Variants in PTPRM observed in about 807,000 individuals in gnomAD.
The protein encoded by PTPRM is protein tyrosine phosphatase receptor type M, also known as receptor-type tyrosine-protein phosphatase mu.
Under a neutral mutation model 186.7 loss-of-function variants are expected in PTPRM, and 47 were observed. The ratio of observed to expected loss-of-function variants is 0.25; its 90% CI spans 0.20 to 0.32. The LOEUF (loss-of-function observed/expected upper bound fraction) is 0.32. Ranked by LOEUF, PTPRM falls within the 10% of genes least tolerant of loss-of-function variation. PTPRM has a pLI of 1.00. For missense variants in PTPRM, 1,494 were observed against 1,865.0 expected, an observed-to-expected ratio of 0.80 and a Z score of 3.66; for synonymous variants, 668 against 674.9, an observed-to-expected ratio of 0.99 and a Z score of 0.16.
At chr18:8,142,991 C>T (rs1020725010) in intron 13 of PTPRM, among the ~76,000 whole-genome samples, 6 of 152,152 alleles carry the variant, frequency 3.9e-5, no homozygotes, top group African/African-American at 1.2e-4. Flanking sequence ...CCCTGGTTAT[C>T]TCATTTAAAC....
intron 22 of PTPRM, among the ~76,000 whole-genome samples, chr18:8,328,855 A>T (rs2095394608): frequency 6.6e-6 from 1 of 152,234 alleles, no homozygotes. Context: ...ATTTCAAAAG[A>T]TAGTTGCCAA....
intron 1 of PTPRM, among the ~76,000 whole-genome samples, chr18:7,570,316 T>C (rs1355494981): frequency 6.6e-6 from 1 of 152,232 alleles, no homozygotes; most frequent in East Asian, 1.9e-4. Context: ...ACATTTCTTT[T>C]TTATGTTTCT....
At chr18:8,205,438 A>G (rs1047770224) in intron 14 of PTPRM, among the ~76,000 whole-genome samples, 5 of 152,172 alleles carry the variant, frequency 3.3e-5, no homozygotes, top group African/African-American at 1.2e-4. Flanking sequence ...CTAGAAATAA[A>G]CTACACTGAG....
At chr18:7,834,491 T>TACACACACATACACACACATACACACAC (rs1555613406) in intron 2 of PTPRM, among the ~76,000 whole-genome samples, 4 of 84,606 alleles carry the variant, frequency 4.7e-5, no homozygotes, top group African/African-American at 1.9e-4. Context: ...TATACAAGTA[T>TACACACACATACACACACATACACACAC]ACACACACAC....
rs1055061316 is a variant in PTPRM at position 8,320,302 on chromosome 18, G to A, written c.2956+1088G>A. 8.7e-4 allele frequency among the ~76,000 whole-genome samples: 132 copies of A among 152,144 alleles called. 1 individual carries two copies. Among genetic ancestry groups the A allele is most frequent in the African/African-American group, 3.0e-3 (125 of 41,434 alleles). On this transcript the variant is annotated intron_variant, in intron 22 of 32. Transcript: ENST00000580170. ...AGGCTTGGACGAAGGGCAATCAGAG[G>A]TGTCCACTGGACCGTGAGGAGAGGG...
At chr18:8,361,784 A>G (rs773025745) in intron 23 of PTPRM, among the ~76,000 whole-genome samples, 1 of 152,234 alleles carries the variant, frequency 6.6e-6, no homozygotes, top group Non-Finnish European at 1.5e-5. Context: ...AGCTAGGATT[A>G]GCCCCAAGCC....
At chr18:8,122,144 A>G (rs1328180350) in intron 13 of PTPRM, 4 of 152,326 alleles carry the variant, frequency 2.6e-5, no homozygotes, top group Admixed American at 2.6e-4. Context: ...AGTTGAGACA[A>G]TTTGATATAC....
chr18:7,687,008 T>G (rs1205065366), intron 1 of PTPRM, among the ~76,000 whole-genome samples: 1 of 152,234 alleles, frequency 6.6e-6, no homozygotes, highest in Non-Finnish European at 1.5e-5. Context: ...GTAGAAAGAA[T>G]TGTTATAAAA....
chr18:8,373,062 A>G (rs982168599), intron 24 of PTPRM, among the ~76,000 whole-genome samples: 1 of 152,154 alleles, frequency 6.6e-6, no homozygotes, highest in Non-Finnish European at 1.5e-5. Context: ...GAGGGAAGAG[A>G]AGGAATAAGG....
At chr18:8,050,601 A>G (rs77101870) in intron 7 of PTPRM, among the ~76,000 whole-genome samples, 2,243 of 152,242 alleles carry the variant, frequency 0.015, 21 homozygotes, top group Non-Finnish European at 0.024. Flanking sequence ...TGTTAATTAT[A>G]AATATATTCT....
intron 14 of PTPRM, among the ~76,000 whole-genome samples, chr18:8,149,150 G>A (rs562058518): frequency 2.6e-5 from 4 of 152,300 alleles, no homozygotes; most frequent in South Asian, 2.1e-4. Context: ...GGAGAGTTCC[G>A]TGGATGTCTC....
chr18:8,294,951 C>T (rs910279383), intron 19 of PTPRM, among the ~76,000 whole-genome samples: 1 of 152,144 alleles, frequency 6.6e-6, no homozygotes, highest in African/African-American at 2.4e-5. Flanking sequence ...GATGCAAGCT[C>T]GGTTGTATGG....
intron 14 of PTPRM, among the ~76,000 whole-genome samples, chr18:8,186,667 G>A (rs1357177073): frequency 6.6e-6 from 1 of 152,200 alleles, no homozygotes; most frequent in Non-Finnish European, 1.5e-5. Flanking sequence ...CCAAGGCTGA[G>A]AGACTCCACC....
intron 23 of PTPRM, among the ~76,000 whole-genome samples, chr18:8,367,907 A>T (rs1369601416): frequency 6.6e-6 from 1 of 152,330 alleles, no homozygotes; most frequent in East Asian, 1.9e-4. Flanking sequence ...TGCATCTTGT[A>T]ATTAGTAAAA....
chr18:7,769,247 T>G (rs2042161018), intron 1 of PTPRM, among the ~76,000 whole-genome samples: 1 of 152,104 alleles, frequency 6.6e-6, no homozygotes, highest in Non-Finnish European at 1.5e-5. Flanking sequence ...GTTAAGAATA[T>G]GGGCCCCTTA....
chr18:8,065,642 A>G (rs930950254), intron 7 of PTPRM, among the ~76,000 whole-genome samples: 1 of 152,192 alleles, frequency 6.6e-6, no homozygotes, highest in Non-Finnish European at 1.5e-5. Context: ...GTGTGAAGAA[A>G]AATGGCTTTG....
intron 1 of PTPRM, among the ~76,000 whole-genome samples, chr18:7,737,478 C>T (rs2040796015): frequency 6.6e-6 from 1 of 152,174 alleles, no homozygotes; most frequent in Admixed American, 6.5e-5. Flanking sequence ...TTCCGTCTAC[C>T]TGTTTGTTTT....
At chr18:7,834,067 C>T (rs2045900829) in intron 2 of PTPRM, among the ~76,000 whole-genome samples, 1 of 151,976 alleles carries the variant, frequency 6.6e-6, no homozygotes, top group Admixed American at 6.6e-5. Flanking sequence ...AGCTGTGGGT[C>T]TGTTATATAT....
At chr18:7,760,180 A>G (rs1351101770) in intron 1 of PTPRM, among the ~76,000 whole-genome samples, 1 of 152,100 alleles carries the variant, frequency 6.6e-6, no homozygotes, top group Non-Finnish European at 1.5e-5. Flanking sequence ...TTGCTTGTAT[A>G]TTTAACATTA....
Sources: allele counts gnomAD v4.1 joint callset (sites outside exome capture counted in the v4.1 genomes callset), GRCh38; gene constraint gnomAD v4.1.1; transcripts MANE v1.5; gene names NCBI Gene and HGNC (gene_info 2026-07-23, HGNC 2026-07-21).